PCSK6: variants seen among roughly 807,000 people sequenced by gnomAD.
PCSK6 encodes paired basic amino acid cleaving enzyme 4.
In PCSK6, 85 loss-of-function variants were observed where a neutral mutation model predicts 123.3. The observed-to-expected ratio is 0.69, with a 90% confidence interval of 0.58 to 0.83. The LOEUF is 0.83. PCSK6 is among the 40% of genes least tolerant of loss of function. PCSK6 has a pLI of 0.00. For missense variants in PCSK6, 1,191 were observed against 1,282.3 expected, an observed-to-expected ratio of 0.93 and a Z score of 1.09; for synonymous variants, 508 against 516.0, an observed-to-expected ratio of 0.98 and a Z score of 0.21.
chr15:101,350,485 TG>T (rs1448348469), intron 13 of PCSK6, among the ~76,000 whole-genome samples: 1 of 152,224 alleles, frequency 6.6e-6, no homozygotes, highest in East Asian at 1.9e-4. Context: ...TTTTACCCCT[TG>T]GAAAAATGAC....
intron 1 of PCSK6, among the ~76,000 whole-genome samples, chr15:101,450,718 C>T (rs1008417524): frequency 6.6e-6 from 1 of 152,132 alleles, no homozygotes; most frequent in African/African-American, 2.4e-5. Context: ...GGTGAGCATG[C>T]CCCCAGTGCC....
chr15:101,443,684 C>A, intron 1 of PCSK6, 24 bp from the exon 2 acceptor site: 1 of 1,543,060 alleles, frequency 6.5e-7, no homozygotes, highest in Non-Finnish European at 9.0e-7. Context: ...AGCAGAATGC[C>A]ATCAATTAAT....
Position 101,393,420 on chromosome 15 carries a change from C to G in PCSK6, c.1001G>C (p.Arg334Pro). The G allele has an allele frequency of 6.2e-7, 1 of 1,602,276 alleles. No individual in the cohort carries two copies. Among genetic ancestry groups the G allele is most frequent in the Non-Finnish European group, 8.5e-7 (1 of 1,175,524 alleles). ...GACGAAAATGGAGCCCAGGCCCTGC[C>G]GGCCCTGGAGGGACAAGAGGAACAA... ...QAFEYGIKKG[R>P]QGLGSIFVWA... Residue 334 changes from arginine to proline, a missense_variant, in exon 8 of 22, where the codon CGG becomes CCG. By Grantham distance (103) the Arg-to-Pro change is moderately radical (BLOSUM62 -2). Coordinates refer to ENST00000611716, the MANE Select transcript of PCSK6 (RefSeq NM_002570.5).
At chr15:101,363,237 C>G (rs2041287419) in intron 13 of PCSK6, among the ~76,000 whole-genome samples, 1 of 152,230 alleles carries the variant, frequency 6.6e-6, no homozygotes. Context: ...CCCCTCAAAG[C>G]TGCCCTGGGA....
At chr15:101,328,231 C>T (rs2040302751) in intron 15 of PCSK6, among the ~76,000 whole-genome samples, 1 of 152,240 alleles carries the variant, frequency 6.6e-6, no homozygotes, top group Non-Finnish European at 1.5e-5. Flanking sequence ...TTTCCTGCAG[C>T]GTCTTCTCCC....
intron 12 of PCSK6, 110 bp downstream of exon 12, chr15:101,370,225 A>G (rs1261440145): frequency 3.3e-6 from 3 of 907,814 alleles, no homozygotes; most frequent in African/African-American, 3.5e-5. Flanking sequence ...GGAGTCCCCA[A>G]CGCCAGAGGG....
At chr15:101,402,543 G>C (rs2042622567) in intron 6 of PCSK6, among the ~76,000 whole-genome samples, 1 of 152,164 alleles carries the variant, frequency 6.6e-6, no homozygotes, top group Non-Finnish European at 1.5e-5. Context: ...CTAGTATCCA[G>C]AATCTACAAT....
At chr15:101,374,663 CAGA>C (rs1455838368) in intron 11 of PCSK6, among the ~76,000 whole-genome samples, 2 of 152,218 alleles carry the variant, frequency 1.3e-5, no homozygotes, top group East Asian at 1.9e-4. Flanking sequence ...CCCATTACAG[CAGA>C]AGGTCATCCA....
In PCSK6 at chr15:101,400,687, T is replaced by C. The variant is rs534602138; in HGVS notation, c.824-2111A>G. On this transcript the variant is annotated intron_variant, in intron 6 of 21. Transcript: ENST00000611716. ...GATAATCATGGGTGTGCTCTTTTGA[T>C]GGAAACTGCTGGGCAGAGATCCCTA... Among the ~76,000 whole-genome samples, 7 of 152,324 alleles carry C rather than the reference T, an allele frequency of 4.6e-5. No individual in the cohort carries two copies. The East Asian group carries it at 1.4e-3, about 29-fold the overall frequency.
At chr15:101,318,267 AG>A in intron 19 of PCSK6, 51 bp downstream of exon 19, 1 of 1,324,732 alleles carries the variant, frequency 7.5e-7, no homozygotes. Context: ...CAAGGCAGCT[AG>A]CCTACGCTTG....
At chr15:101,347,680 T>C (rs1168869232) in intron 13 of PCSK6, 1 of 1,602,796 alleles carries the variant, frequency 6.2e-7, no homozygotes, top group Non-Finnish European at 8.5e-7. Flanking sequence ...GTTCTAAATG[T>C]GGTGGCTTTG....
intron 9 of PCSK6, among the ~76,000 whole-genome samples, chr15:101,385,450 A>C (rs1049190041): frequency 6.6e-6 from 1 of 152,194 alleles, no homozygotes; most frequent in Non-Finnish European, 1.5e-5. Context: ...GGTCCTGTCT[A>C]TTCACAGTGT....
At chr15:101,384,155 T>C in intron 10 of PCSK6, 167 bp downstream of exon 10, 13 of 1,419,678 alleles carry the variant, frequency 9.2e-6, no homozygotes, top group Non-Finnish European at 1.2e-5. Flanking sequence ...ACTGTGAGCT[T>C]CCGGGATACT....
chr15:101,431,688 ATC>A (rs2056452438), intron 3 of PCSK6, among the ~76,000 whole-genome samples: 2 of 152,222 alleles, frequency 1.3e-5, no homozygotes, highest in Non-Finnish European at 2.9e-5. Flanking sequence ...TTCCCAGGGC[ATC>A]GCCTCCCAGC....
intron 15 of PCSK6, among the ~76,000 whole-genome samples, chr15:101,328,900 G>A (rs985979887): frequency 1.1e-4 from 17 of 152,204 alleles, no homozygotes; most frequent in African/African-American, 4.1e-4. Context: ...CCACCTTGCT[G>A]TCCACGTGGT....
Position 101,443,629 on chromosome 15 carries a change from T to TA in PCSK6, c.328dup (p.Tyr110LeufsTer7), listed in dbSNP as rs769670546. On this transcript the variant is annotated frameshift_variant, in exon 2 of 22. Transcript: ENST00000611716. LOFTEE classifies it high-confidence loss of function. ...TGATCTTTTAAAGGTTTTGCTGTGATAAAAATGGTAGTAATCTTCCAGGTT... is the reference window on the plus strand; with the variant it reads ...TGATCTTTTAAAGGTTTTGCTGTGATAAAAAATGGTAGTAATCTTCCAGGTT... 6.2e-7 allele frequency: 1 copy of TA among 1,613,868 alleles called. No homozygotes were observed. Among genetic ancestry groups the TA allele is most frequent in the Admixed American group, 1.7e-5 (1 of 60,014 alleles).
At chr15:101,403,328 C>T (rs537835356) in intron 6 of PCSK6, among the ~76,000 whole-genome samples, 2 of 147,336 alleles carry the variant, frequency 1.4e-5, no homozygotes, top group South Asian at 2.2e-4. Flanking sequence ...GCTAAATGAC[C>T]AGTTAATGGG....
At chr15:101,352,393 C>G (rs1420772396) in intron 13 of PCSK6, among the ~76,000 whole-genome samples, 1 of 152,134 alleles carries the variant, frequency 6.6e-6, no homozygotes, top group African/African-American at 2.4e-5. Context: ...CGTGATCCAC[C>G]TGCCTTGGCC....
intron 9 of PCSK6, among the ~76,000 whole-genome samples, chr15:101,385,843 T>C (rs1175980759): frequency 2.0e-5 from 3 of 152,238 alleles, no homozygotes; most frequent in Non-Finnish European, 2.9e-5. Flanking sequence ...GAAAGATGTA[T>C]GGGCTCATGG....
Sources: allele counts gnomAD v4.1 joint callset (sites outside exome capture counted in the v4.1 genomes callset), GRCh38; gene constraint gnomAD v4.1.1; transcripts MANE v1.5; gene names NCBI Gene and HGNC (gene_info 2026-07-23, HGNC 2026-07-21).